PDE4D: variants seen among roughly 807,000 people sequenced by gnomAD.
The protein encoded by PDE4D is 3',5'-cyclic-AMP phosphodiesterase 4D.
PDE4D carries 24 observed loss-of-function variants against 87.4 expected under a neutral mutation model. That is an observed-to-expected ratio of 0.27 (90% CI 0.20 to 0.39). PDE4D has a LOEUF of 0.39. Ranked by LOEUF, PDE4D falls within the 10% of genes least tolerant of loss-of-function variation. The pLI is 1.00. For synonymous variants in PDE4D, 384 were observed against 383.2 expected (o/e 1.00, Z -0.02); for missense variants, 714 against 1,041.0 (o/e 0.69, Z 4.32).
At chr5:60,027,771 G>A (rs1334422568) in intron 2 of PDE4D, among the ~76,000 whole-genome samples, 2 of 152,182 alleles carry the variant, frequency 1.3e-5, no homozygotes, top group African/African-American at 4.8e-5. Flanking sequence ...ATTAGTGCTG[G>A]AATCAGGAAG....
rs571765290 is a variant in PDE4D, at chr5:60,054,452, G to A, written c.43-65735C>T. ...AGGAACAGAAAACCAAACACCGCAT[G>A]TTCTCACTCATAAGTGGGATTTGAA... On this transcript the variant is annotated intron_variant, in intron 2 of 16. Coordinates refer to the PDE4D transcript ENST00000502484. 2.0e-5 allele frequency among the ~76,000 whole-genome samples: 3 copies of A among 152,202 alleles called. No homozygotes were observed. In the Middle Eastern group the frequency reaches 0.01, roughly 518 times the overall value.
chr5:59,087,210 T>A (rs1253685443), intron 5 of PDE4D, among the ~76,000 whole-genome samples: 1 of 152,102 alleles, frequency 6.6e-6, no homozygotes, highest in Non-Finnish European at 1.5e-5. Flanking sequence ...TAAGGCCAGA[T>A]GTGGTGACTC....
At chr5:60,416,689 C>G (rs527952166) in intron 1 of PDE4D, among the ~76,000 whole-genome samples, 31 of 152,302 alleles carry the variant, frequency 2.0e-4, no homozygotes, top group Non-Finnish European at 4.3e-4. Flanking sequence ...CGGCTTCATT[C>G]TTGAAGTCAG....
At chr5:59,367,322 T>C (rs951856273) in intron 1 of PDE4D, among the ~76,000 whole-genome samples, 8 of 152,212 alleles carry the variant, frequency 5.3e-5, no homozygotes, top group Non-Finnish European at 1.2e-4. Context: ...AATCTATTCA[T>C]TAAAATATGC....
chr5:59,330,580 A>T (rs554470942), intron 1 of PDE4D, among the ~76,000 whole-genome samples: 202 of 152,326 alleles, frequency 1.3e-3, no homozygotes, highest in Non-Finnish European at 2.0e-3. Context: ...CCCCTGAAGT[A>T]TCTGACTTAC....
At chr5:60,431,210 G>T in intron 1 of PDE4D, 1 of 193,630 alleles carries the variant, frequency 5.2e-6, no homozygotes, top group Non-Finnish European at 1.0e-5. Context: ...GTGGCTGCTG[G>T]GCGGAGACGC....
chr5:59,883,918 T>C (rs1003528544), intron 1 of PDE4D, among the ~76,000 whole-genome samples: 4 of 152,146 alleles, frequency 2.6e-5, no homozygotes, highest in African/African-American at 9.7e-5. Flanking sequence ...TGAAACGCAA[T>C]CCTTTGCTTT....
intron 1 of PDE4D, among the ~76,000 whole-genome samples, chr5:59,639,573 C>T (rs371654448): frequency 5.9e-5 from 9 of 152,240 alleles, no homozygotes; most frequent in East Asian, 3.9e-4. Flanking sequence ...AGAAAAGTCA[C>T]GGGTGGCCTG....
intron 1 of PDE4D, among the ~76,000 whole-genome samples, chr5:59,846,522 T>C (rs1743880668): frequency 1.3e-5 from 2 of 152,062 alleles, no homozygotes; most frequent in Non-Finnish European, 2.9e-5. Flanking sequence ...CAAGATGATT[T>C]TGATACAGGT....
At chr5:60,145,881 C>G (rs529472665) in intron 2 of PDE4D, among the ~76,000 whole-genome samples, 1 of 152,296 alleles carries the variant, frequency 6.6e-6, no homozygotes, top group South Asian at 2.1e-4. Context: ...TCATAGGTAT[C>G]TTGTGATACA....
intron 1 of PDE4D, among the ~76,000 whole-genome samples, chr5:60,431,999 T>G (rs1251389437): frequency 6.6e-6 from 1 of 152,144 alleles, no homozygotes; most frequent in Non-Finnish European, 1.5e-5. Context: ...GCAGGGAGGT[T>G]GCAGTGAGCC....
intron 1 of PDE4D, chr5:60,429,941 T>C: frequency 2.0e-6 from 1 of 490,362 alleles, no homozygotes; most frequent in South Asian, 1.5e-5. Context: ...TTTTTTAAAG[T>C]GGTAACAGGT....
chr5:59,991,224 T>C (rs1762973031), intron 2 of PDE4D, among the ~76,000 whole-genome samples: 1 of 152,106 alleles, frequency 6.6e-6, no homozygotes, highest in Non-Finnish European at 1.5e-5. Context: ...GAGGTGCCAT[T>C]GGTTGTTACA....
At chr5:60,413,900 G>A (rs1454843291) in intron 1 of PDE4D, among the ~76,000 whole-genome samples, 2 of 152,054 alleles carry the variant, frequency 1.3e-5, no homozygotes, top group Non-Finnish European at 2.9e-5. Context: ...GATTTTTCTT[G>A]CTGCTTTATC....
At chr5:59,836,638 C>CTATT (rs1742095727) in intron 1 of PDE4D, among the ~76,000 whole-genome samples, 1 of 150,474 alleles carries the variant, frequency 6.6e-6, no homozygotes, top group African/African-American at 2.5e-5. Context: ...ATCTATCTAT[C>CTATT]TATCTATCTA....
At chr5:60,120,857 C>A (rs556987913) in intron 2 of PDE4D, among the ~76,000 whole-genome samples, 18 of 152,188 alleles carry the variant, frequency 1.2e-4, no homozygotes, top group African/African-American at 4.3e-4. Flanking sequence ...AAGTATTGAT[C>A]CTGGGTGTGT....
At chr5:59,993,986 C>G (rs1343988297) in intron 2 of PDE4D, among the ~76,000 whole-genome samples, 1 of 151,806 alleles carries the variant, frequency 6.6e-6, no homozygotes, top group African/African-American at 2.4e-5. Flanking sequence ...GAAATACATG[C>G]CTAAAGTAAG....
At chr5:59,903,020 G>A (rs1752436289) in intron 3 of PDE4D, among the ~76,000 whole-genome samples, 1 of 152,152 alleles carries the variant, frequency 6.6e-6, no homozygotes, top group African/African-American at 2.4e-5. Context: ...GTGAAGTGGT[G>A]TGTGTAGCTC....
intron 5 of PDE4D, among the ~76,000 whole-genome samples, chr5:59,102,886 G>A (rs1001437978): frequency 2.6e-5 from 4 of 152,150 alleles, no homozygotes; most frequent in East Asian, 1.9e-4. Flanking sequence ...TGCCTGGGGA[G>A]GGGGAGCATA....
Sources: allele counts gnomAD v4.1 joint callset (sites outside exome capture counted in the v4.1 genomes callset), GRCh38; gene constraint gnomAD v4.1.1; transcripts MANE v1.5; gene names NCBI Gene and HGNC (gene_info 2026-07-23, HGNC 2026-07-21).